DOK7: variants seen among roughly 807,000 people sequenced by gnomAD.
DOK7 encodes docking protein 7, also known as protein Dok-7.
In DOK7, 32 loss-of-function variants were observed where a neutral mutation model predicts 30.7. That is an observed-to-expected ratio of 1.04 (90% CI 0.79 to 1.40). The LOEUF is 1.40. Ranked by LOEUF, DOK7 falls within the 40% of genes most tolerant of loss-of-function variation. DOK7 has a pLI of 0.00. For synonymous variants in DOK7, 447 were observed against 324.1 expected (o/e 1.38, Z -4.07); for missense variants, 1,007 against 699.2 (o/e 1.44, Z -4.97).
intron 4 of DOK7, among the ~76,000 whole-genome samples, chr4:3,481,501 G>A (rs886419978): frequency 1.3e-5 from 2 of 152,072 alleles, no homozygotes; most frequent in African/African-American, 4.8e-5. Context: ...CAGAGGAGGG[G>A]TGGGAGCCAA....
intron 4 of DOK7, among the ~76,000 whole-genome samples, chr4:3,483,943 G>A (rs866139880): frequency 3.9e-5 from 6 of 152,298 alleles, no homozygotes; most frequent in East Asian, 1.9e-4. Context: ...TGAGCCTCTC[G>A]GGGCATCCTC....
At chr4:3,487,381 C>G (rs773566154) in intron 5 of DOK7, among the ~76,000 whole-genome samples, 1 of 152,236 alleles carries the variant, frequency 6.6e-6, no homozygotes, top group Non-Finnish European at 1.5e-5. Flanking sequence ...AGGACTCCCA[C>G]AATAGAGCCC....
At position 3,463,449 on chromosome 4, in the gene DOK7, G is replaced by C; in HGVS notation, c.54+20G>C. The C allele has an allele frequency of 7.4e-7, 1 of 1,356,108 alleles. No homozygotes were observed. Among genetic ancestry groups the C allele is most frequent in the Non-Finnish European group, 9.4e-7 (1 of 1,067,132 alleles). The allele number at this position is 1,356,108 out of a possible 1,614,324, so 84.0% of individuals were successfully genotyped here. On this transcript the variant is annotated intron_variant, in intron 1 of 6. Transcript: ENST00000340083. ...AAGAAGGTCGGGGCGCGTCGGGGGC[G>C]CGGGGGGGGGGGGCGCGGGCGCGGG... is the stretch of plus-strand genomic sequence containing the variant.
At chr4:3,497,141 G>A (rs1728953517), downstream of DOK7, among the ~76,000 whole-genome samples, 1 of 152,070 alleles carries the variant, frequency 6.6e-6, no homozygotes. Flanking sequence ...AGTGGGTAGA[G>A]GGCAGGCTGC....
rs1172471433 is a variant in DOK7, at chr4:3,489,794, G to A, written c.770G>A (p.Gly257Glu). 2 of 1,573,524 alleles carry A rather than the reference G, an allele frequency of 1.3e-6. No individual in the cohort carries two copies. Among genetic ancestry groups the A allele is most frequent in the South Asian group, 2.3e-5 (2 of 85,756 alleles). Residue 257 changes from glycine (G) to glutamate (E), a missense_variant and splice_region_variant, in exon 6 of 7, where the codon GGA (glycine) becomes GAA (glutamate). Gly to Glu is a moderately conservative substitution (Grantham distance 98, BLOSUM62 -2). Coordinates refer to ENST00000340083, the MANE Select transcript of DOK7 (RefSeq NM_173660.5). ...LLSHAGRPGS[G>E]GDDRSLSSSS... ...TCACATGCGGGCAGGCCGGGCAGTG[G>A]AGGTAGGGCCGGGGGCTGACCTGGG...
chr4:3,468,759 T>TGTGA (rs56738936), intron 2 of DOK7, among the ~76,000 whole-genome samples: 65,865 of 145,158 alleles, frequency 0.45, 14,951 homozygotes, highest in African/African-American at 0.57. Flanking sequence ...TCTGTGTGCG[T>TGTGA]GTGTGTGTGC....
At chr4:3,482,727 G>A (rs990501603) in intron 4 of DOK7, among the ~76,000 whole-genome samples, 1 of 152,216 alleles carries the variant, frequency 6.6e-6, no homozygotes, top group Non-Finnish European at 1.5e-5. Flanking sequence ...GGAAACATGC[G>A]CACCCTGTCT....
chr4:3,484,248 G>T (rs946976426), intron 4 of DOK7, among the ~76,000 whole-genome samples: 2 of 152,238 alleles, frequency 1.3e-5, no homozygotes, highest in South Asian at 2.1e-4. Context: ...GCTCGCCCTC[G>T]TGTGCCCGGG....
Position 3,493,819 on chromosome 4 carries a change from C to T in DOK7, c.*318C>T. ...GTGCTGCACCTCTGTTGGCTCGTGCCTTGCACTGGGGTGCCAAGGGCTGGA... is the reference window on the plus strand; with the variant it reads ...GTGCTGCACCTCTGTTGGCTCGTGCTTTGCACTGGGGTGCCAAGGGCTGGA... On this transcript the variant is annotated 3_prime_UTR_variant, in exon 7 of 7. Transcript: ENST00000340083. 7.9e-7 allele frequency: 1 copy of T among 1,261,396 alleles called. No homozygotes were observed. The highest frequency in any genetic ancestry group is 3.7e-5 in the East Asian group (1 of 27,234). 78.1% of individuals were successfully genotyped at this position (1,261,396 alleles called of 1,614,324 possible).
At chr4:3,485,710 G>A (rs1050548049) in intron 5 of DOK7, 52 bp downstream of exon 5, 24 of 1,467,704 alleles carry the variant, frequency 1.6e-5, no homozygotes, top group African/African-American at 4.3e-5. Context: ...CAGGCTGTGC[G>A]ACGTCCCGGG....
At chr4:3,473,680 G>A (rs1226046198) in intron 3 of DOK7, 44 bp downstream of exon 3, 6 of 1,499,192 alleles carry the variant, frequency 4.0e-6, no homozygotes, top group South Asian at 2.6e-5. Context: ...CCCCGTTCAG[G>A]TGTGCCGGGG....
At chr4:3,466,331 C>A (rs73792098) in intron 2 of DOK7, among the ~76,000 whole-genome samples, 2 of 152,260 alleles carry the variant, frequency 1.3e-5, no homozygotes, top group East Asian at 3.9e-4. Context: ...CCCACGGAGA[C>A]GGCGCAGGAG....
intron 4 of DOK7, chr4:3,485,298 C>T: frequency 2.0e-6 from 1 of 505,628 alleles, no homozygotes; most frequent in Non-Finnish European, 3.4e-6. Context: ...GGCGGGGTCC[C>T]TGGGGAGTCC....
Position 3,492,547 on chromosome 4 carries a change from G to C in DOK7, c.773-212G>C, listed in dbSNP as rs1393629676. On this transcript the variant is annotated intron_variant, in intron 6 of 6. Transcript: ENST00000340083. ...GCCGTAGGAGAACAGGTGGCAGAAG[G>C]ACAGGAACGGACAAAGAACAGGAGT... 2.0e-5 allele frequency among the ~76,000 whole-genome samples: 3 copies of C among 152,282 alleles called. No homozygotes were observed. In the South Asian group the frequency reaches 6.2e-4, roughly 32 times the overall value.
chr4:3,500,382 G>A, exon 7 of DOK7: 1 of 1,535,912 alleles, frequency 6.5e-7, no homozygotes, highest in Non-Finnish European at 8.7e-7. Flanking sequence ...GGAGCTCCAG[G>A]AGGCCAGCGA....
At position 3,463,391 on chromosome 4, in the gene DOK7, C is replaced by G; in HGVS notation, c.16C>G (p.Leu6Val). ...ATGACAGAAGATGACCGAGGCGGCG[C>G]TGGTGGAGGGCCAGGTCAAGCTGCG... MTEAA[L>V]VEGQVKLRDG... The change falls in exon 1 of 7, where the codon CTG (leucine) becomes GTG (valine). Residue 6 changes from leucine to valine, a missense_variant. Coordinates refer to ENST00000340083, the MANE Select transcript of DOK7 (RefSeq NM_173660.5). The G allele has an allele frequency of 7.2e-7, 1 of 1,392,604 alleles. No individual in the cohort carries two copies. Among genetic ancestry groups the G allele is most frequent in the Non-Finnish European group, 9.3e-7 (1 of 1,075,768 alleles). 86.3% of individuals were successfully genotyped at this position (1,392,604 alleles called of 1,614,324 possible).
At chr4:3,472,237 GTGTC>G (rs1435921966) in intron 2 of DOK7, among the ~76,000 whole-genome samples, 1 of 152,250 alleles carries the variant, frequency 6.6e-6, no homozygotes, top group African/African-American at 2.4e-5. Flanking sequence ...GCAAAAATGA[GTGTC>G]TGCGTCAAAT....
chr4:3,495,786 G>A (rs1176262249), downstream of DOK7, among the ~76,000 whole-genome samples: 3 of 148,584 alleles, frequency 2.0e-5, no homozygotes, highest in East Asian at 2.1e-4. Context: ...ACACCTACCC[G>A]CCTGCCCCCA....
intron 4 of DOK7, among the ~76,000 whole-genome samples, chr4:3,484,187 A>G (rs768543047): frequency 9.2e-5 from 14 of 152,068 alleles, no homozygotes; most frequent in Non-Finnish European, 2.1e-4. Flanking sequence ...CTGTCCCATG[A>G]CCCGGTTTGG....
Sources: allele counts gnomAD v4.1 joint callset (sites outside exome capture counted in the v4.1 genomes callset), GRCh38; gene constraint gnomAD v4.1.1; transcripts MANE v1.5; gene names NCBI Gene and HGNC (gene_info 2026-07-23, HGNC 2026-07-21).